PAPPA: variants seen among roughly 807,000 people sequenced by gnomAD.
PAPPA encodes pappalysin 1.
In PAPPA, 60 loss-of-function variants were observed where a neutral mutation model predicts 164.0. The observed-to-expected ratio is 0.37, with a 90% CI of 0.30 to 0.45. The LOEUF (loss-of-function observed/expected upper bound fraction) is 0.45, where lower values mean the gene tolerates loss of function less well. PAPPA is among the 20% of genes least tolerant of loss of function. The probability of loss-of-function intolerance (pLI) is 1.00; values close to 1 mark genes in which losing one functional copy is unlikely to be tolerated. For synonymous variants in PAPPA, 875 were observed against 814.1 expected, an observed-to-expected ratio of 1.07 and a Z score of -1.27; for missense variants, 1,782 against 2,087.3, an observed-to-expected ratio of 0.85 and a Z score of 2.85.
chr9:116,170,008 G>A (rs1047976305), intron 1 of PAPPA, among the ~76,000 whole-genome samples: 4 of 152,048 alleles, frequency 2.6e-5, no homozygotes, highest in Non-Finnish European at 4.4e-5. Context: ...TTAGATCAAC[G>A]AGGATAGGGG....
Position 116,231,489 on chromosome 9 carries a change from C to T in PAPPA, c.2234-3650C>T, listed in dbSNP as rs1587963182. Among the ~76,000 whole-genome samples the T allele has an allele frequency of 2.6e-5, 4 of 152,126 alleles. 1 individual carries two copies. The highest frequency in any genetic ancestry group is 9.6e-5 in the African/African-American group (4 of 41,466). ...TGCCATCTCCTTGCATGCTTTCTTG[C>T]AGTTCATATATTGTCTGCGTTAGTC... is the stretch of plus-strand genomic sequence containing the variant. On this transcript the variant is annotated intron_variant, in intron 6 of 21. Coordinates refer to ENST00000328252, the MANE Select transcript of PAPPA (RefSeq NM_002581.5).
intron 10 of PAPPA, among the ~76,000 whole-genome samples, chr9:116,322,995 CA>C (rs1845878693): frequency 6.6e-6 from 1 of 152,112 alleles, no homozygotes; most frequent in South Asian, 2.1e-4. Flanking sequence ...CCATGATTGA[CA>C]AAAGGGCATG....
chr9:116,245,658 C>T (rs983328553), intron 7 of PAPPA, among the ~76,000 whole-genome samples: 3 of 152,110 alleles, frequency 2.0e-5, no homozygotes, highest in South Asian at 2.1e-4. Flanking sequence ...ATGAGGGAAA[C>T]GTTATTTCCT....
chr9:116,378,255 T>A (rs1846681106), intron 20 of PAPPA, among the ~76,000 whole-genome samples: 1 of 152,176 alleles, frequency 6.6e-6, no homozygotes, highest in Non-Finnish European at 1.5e-5. Context: ...ATTATAGAGA[T>A]CTGTCTCTGT....
intron 2 of PAPPA, among the ~76,000 whole-genome samples, chr9:116,200,568 A>G (rs1231147914): frequency 1.3e-5 from 2 of 152,156 alleles, no homozygotes; most frequent in Non-Finnish European, 2.9e-5. Flanking sequence ...AAATACTTCA[A>G]CAGTTCCAGT....
At chr9:116,343,999 C>T (rs1031147142) in intron 13 of PAPPA, among the ~76,000 whole-genome samples, 3 of 152,094 alleles carry the variant, frequency 2.0e-5, no homozygotes, top group African/African-American at 4.8e-5. Context: ...AACTCCTGAC[C>T]TCGTGATCTG....
chr9:116,395,967 G>A lies in PAPPA; in HGVS notation c.4777-542G>A, dbSNP rs1052414772. 5.9e-5 allele frequency among the ~76,000 whole-genome samples: 9 copies of A among 152,220 alleles called. No individual in the cohort carries two copies. The South Asian group carries it at 1.9e-3, about 32-fold the overall frequency. On this transcript the variant is annotated intron_variant, in intron 21 of 21. Transcript: ENST00000328252. ...TATACATCAGATATTCCATTACACA[G>A]TTCTATTAATCAACTTTGCTACAGT...
chr9:116,331,917 G>C (rs182081362), intron 11 of PAPPA, among the ~76,000 whole-genome samples: 278 of 152,282 alleles, frequency 1.8e-3, no homozygotes, highest in African/African-American at 6.1e-3. Context: ...ATAACAGTAT[G>C]CACCTTTTTT....
At position 116,357,672 on chromosome 9, in the gene PAPPA, T is replaced by C. The variant is rs182821349; in HGVS notation, c.4347+3879T>C. ...CCCAGGGGGTGAGAAGCTACTCATC[T>C]CAGGATTTAATCCAGCTCAGATGGC... On this transcript the variant is annotated intron_variant, in intron 17 of 21. Transcript: ENST00000328252. Among the ~76,000 whole-genome samples, 112 of 152,308 alleles carry C rather than the reference T, an allele frequency of 7.4e-4. 2 individuals carry two copies. Among genetic ancestry groups the C allele is most frequent in the African/African-American group, 2.5e-3 (104 of 41,566 alleles).
Position 116,181,323 on chromosome 9 carries a change from CCTCT to C in PAPPA, c.416-5818_416-5815del, listed in dbSNP as rs753367535. 1.6e-3 allele frequency among the ~76,000 whole-genome samples: 244 copies of C among 150,458 alleles called. 1 individual carries two copies. The highest frequency in any genetic ancestry group is 2.8e-3 in the Non-Finnish European group (192 of 67,532). ...TCAGCCAGGTTTGTTTCTTCCAAGA[CCTCT>C]CTCTCTCTCTCTTTCTCTCTCTCTC... On this transcript the variant is annotated intron_variant, in intron 1 of 21. Transcript: ENST00000328252.
intron 9 of PAPPA, among the ~76,000 whole-genome samples, chr9:116,279,433 C>T (rs1156260237): frequency 6.6e-6 from 1 of 152,058 alleles, no homozygotes; most frequent in African/African-American, 2.4e-5. Context: ...CTTACCACCT[C>T]CTTTGGAAAC....
chr9:116,400,429 A>G lies in PAPPA; in HGVS notation c.*3813A>G, dbSNP rs1175544340. The stretch of plus-strand genomic sequence containing the variant: ...GTTGGGTGGGGTGGGCATTTTGTTT[A>G]TTTGTTTGGTGGCAATCAGTGGTAG... On this transcript the variant is annotated 3_prime_UTR_variant, in exon 22 of 22. Transcript: ENST00000328252. 1.3e-5 allele frequency: 2 copies of G among 152,048 alleles called. No individual in the cohort carries two copies. Among genetic ancestry groups the G allele is most frequent in the East Asian group, 3.9e-4 (2 of 5,178 alleles). The allele number at this position is 152,048 out of a possible 1,614,324, so 9.4% of individuals were successfully genotyped here.
chr9:116,308,538 T>C (rs977986186), intron 10 of PAPPA, among the ~76,000 whole-genome samples: 1 of 152,196 alleles, frequency 6.6e-6, no homozygotes, highest in Non-Finnish European at 1.5e-5. Context: ...GGCTCATCTC[T>C]ATAAGGGGCA....
intron 9 of PAPPA, among the ~76,000 whole-genome samples, chr9:116,276,793 T>C (rs1845204015): frequency 6.6e-6 from 1 of 152,064 alleles, no homozygotes; most frequent in Non-Finnish European, 1.5e-5. Context: ...AGCCCTGTCC[T>C]AGAGCCAGGG....
intron 1 of PAPPA, among the ~76,000 whole-genome samples, chr9:116,184,160 G>A (rs1459949375): frequency 6.6e-6 from 1 of 152,172 alleles, no homozygotes; most frequent in Admixed American, 6.5e-5. Flanking sequence ...AGGTGGGAAG[G>A]ACATGAATGT....
chr9:116,162,178 C>A (rs949564958), intron 1 of PAPPA, among the ~76,000 whole-genome samples: 1 of 152,152 alleles, frequency 6.6e-6, no homozygotes, highest in Non-Finnish European at 1.5e-5. Flanking sequence ...GCTTGCTCTG[C>A]AATAAGAAGC....
intron 1 of PAPPA, among the ~76,000 whole-genome samples, chr9:116,179,959 C>T (rs1843883896): frequency 6.6e-6 from 1 of 152,072 alleles, no homozygotes; most frequent in Non-Finnish European, 1.5e-5. Context: ...TAAATTCCCC[C>T]TTTCATCCCC....
rs1427952663 is a variant in PAPPA at position 116,396,611 on chromosome 9, G to A, written c.4879G>A (p.Gly1627Ser). 1 of 780,572 alleles carries A rather than the reference G, an allele frequency of 1.3e-6. No homozygotes were observed. 48.4% of individuals were successfully genotyped at this position (780,572 alleles called of 1,614,324 possible). The change falls in exon 22 of 22, where the codon GGC becomes AGC. Residue 1627 changes from glycine to serine, a missense_variant. Gly to Ser is a moderately conservative substitution (Grantham distance 56). Transcript: ENST00000328252. ...SRKDLRGYSH[G>S] ...GAAAGACCTCCGGGGATACAGCCAT[G>A]GCTAAGGAAGGACAAGAAGTTGTCA...
intron 13 of PAPPA, 138 bp from the exon 14 acceptor site, chr9:116,344,405 C>T: frequency 2.6e-6 from 2 of 764,612 alleles, no homozygotes; most frequent in East Asian, 5.0e-5. Flanking sequence ...CATCTTCACC[C>T]TAGCCAGCAC....
Sources: gnomAD v4.1 joint callset for allele counts (sites outside exome capture counted in the v4.1 genomes callset) on GRCh38, gnomAD v4.1.1 for gene constraint, MANE v1.5 for transcripts, NCBI Gene and HGNC (gene_info 2026-07-23, HGNC 2026-07-21) for gene names.